ANO3: variants seen among roughly 807,000 people sequenced by gnomAD.
ANO3 encodes the protein anoctamin 3.
ANO3 carries 99 observed loss-of-function variants against 144.8 expected under a neutral mutation model. That is an observed-to-expected ratio of 0.68 (90% CI 0.58 to 0.81). The LOEUF is 0.81. ANO3 is among the 30% of genes least tolerant of loss of function. ANO3 has a pLI of 0.00. For missense variants in ANO3, 905 were observed against 1,202.2 expected (o/e 0.75, Z 3.66); for synonymous variants, 414 against 392.6 (o/e 1.05, Z -0.64).
intron 1 of ANO3, among the ~76,000 whole-genome samples, chr11:26,224,249 GCACAGGGC>G (rs1852210344): frequency 6.6e-6 from 1 of 152,188 alleles, no homozygotes; most frequent in South Asian, 2.1e-4. Context: ...GTGACTGGAT[GCACAGGGC>G]CAACAGGCCC....
chr11:26,358,103 ATT>A (rs1855829761), intron 1 of ANO3, among the ~76,000 whole-genome samples: 1 of 151,150 alleles, frequency 6.6e-6, no homozygotes, highest in African/African-American at 2.4e-5. Flanking sequence ...AATACTTCAA[ATT>A]TGTTATTTTA....
At chr11:26,254,938 G>C (rs1172070343) in intron 1 of ANO3, among the ~76,000 whole-genome samples, 1 of 152,068 alleles carries the variant, frequency 6.6e-6, no homozygotes, top group African/African-American at 2.4e-5. Flanking sequence ...TTTTATAGAT[G>C]AAAAAACAAC....
chr11:26,617,772 AT>A (rs1852302729), intron 17 of ANO3, among the ~76,000 whole-genome samples: 1 of 152,190 alleles, frequency 6.6e-6, no homozygotes, highest in Non-Finnish European at 1.5e-5. Context: ...ATGTAAGAAG[AT>A]GGTTATATTC....
chr11:26,519,609 G>T (rs972949235), intron 6 of ANO3, among the ~76,000 whole-genome samples: 1 of 152,090 alleles, frequency 6.6e-6, no homozygotes, highest in Non-Finnish European at 1.5e-5. Flanking sequence ...CTTTTGGGTT[G>T]TATCCTCACA....
chr11:26,643,627 T>C (rs1002420853), intron 23 of ANO3, among the ~76,000 whole-genome samples: 2 of 151,846 alleles, frequency 1.3e-5, no homozygotes, highest in African/African-American at 4.8e-5. Context: ...TGGTGGTGGG[T>C]GCCTGTAATC....
At chr11:26,280,255 T>C (rs1421312080) in intron 1 of ANO3, among the ~76,000 whole-genome samples, 1 of 152,172 alleles carries the variant, frequency 6.6e-6, no homozygotes, top group African/African-American at 2.4e-5. Flanking sequence ...CTTTTTATTA[T>C]CACATCTACC....
chr11:26,255,577 G>C (rs1264925901), intron 1 of ANO3, among the ~76,000 whole-genome samples: 1 of 152,048 alleles, frequency 6.6e-6, no homozygotes, highest in South Asian at 2.1e-4. Flanking sequence ...CTAGATAAGA[G>C]CCCAAGAAAA....
intron 5 of ANO3, 151 bp from the exon 6 acceptor site, chr11:26,516,676 A>ATT (rs140868622): frequency 2.3e-5 from 11 of 481,220 alleles, no homozygotes; most frequent in South Asian, 4.0e-5. Flanking sequence ...CTTCATTAAG[A>ATT]TTTTTTTTAT....
chr11:26,342,798 C>A (rs1855398230), intron 1 of ANO3, among the ~76,000 whole-genome samples: 1 of 152,138 alleles, frequency 6.6e-6, no homozygotes, highest in Non-Finnish European at 1.5e-5. Flanking sequence ...TGGTTGGTTT[C>A]ACCATTTCAC....
intron 1 of ANO3, among the ~76,000 whole-genome samples, chr11:26,338,110 A>C (rs1855239813): frequency 5.3e-5 from 1 of 19,016 alleles, no homozygotes; most frequent in African/African-American, 1.8e-4. Flanking sequence ...GTTGTGAATG[A>C]TAATTAAAAA....
intron 18 of ANO3, among the ~76,000 whole-genome samples, chr11:26,625,326 C>T (rs1425919176): frequency 6.6e-6 from 1 of 152,126 alleles, no homozygotes; most frequent in Non-Finnish European, 1.5e-5. Flanking sequence ...ATAGCTATTG[C>T]CTTCCCATTA....
chr11:26,466,662 A>C (rs536173822), intron 4 of ANO3, among the ~76,000 whole-genome samples: 1 of 152,054 alleles, frequency 6.6e-6, no homozygotes, highest in East Asian at 1.9e-4. Flanking sequence ...TCCAACAGCA[A>C]AGGCCAGGAA....
chr11:26,345,489 T>C (rs1855476476), intron 1 of ANO3, among the ~76,000 whole-genome samples: 1 of 152,140 alleles, frequency 6.6e-6, no homozygotes, highest in Non-Finnish European at 1.5e-5. Flanking sequence ...GAGGCAGCAG[T>C]TGCAGTGAGC....
chr11:26,240,221 GTTA>G (rs1366864172), intron 1 of ANO3, among the ~76,000 whole-genome samples: 6 of 152,026 alleles, frequency 3.9e-5, no homozygotes, highest in African/African-American at 1.4e-4. Flanking sequence ...GACAATAAAG[GTTA>G]TTATTATTAT....
At chr11:26,456,722 T>A (rs2134047744) in intron 3 of ANO3, among the ~76,000 whole-genome samples, 1 of 120,576 alleles carries the variant, frequency 8.3e-6, no homozygotes, top group Admixed American at 8.5e-5. Flanking sequence ...ATCCCATTAC[T>A]GGGTATATAC....
intron 1 of ANO3, chr11:26,208,142 G>A (rs1277984277): frequency 6.6e-6 from 1 of 152,084 alleles, no homozygotes; most frequent in Non-Finnish European, 1.5e-5. Flanking sequence ...TGAGATCTCT[G>A]CCCCCATGAC....
intron 1 of ANO3, among the ~76,000 whole-genome samples, chr11:26,332,853 C>T (rs775321921): frequency 1.3e-5 from 2 of 152,254 alleles, no homozygotes; most frequent in South Asian, 2.1e-4. Flanking sequence ...ATGTCCCATG[C>T]TTGATTCTGG....
At chr11:26,433,943 C>T (rs764091311) in intron 1 of ANO3, among the ~76,000 whole-genome samples, 62 of 152,082 alleles carry the variant, frequency 4.1e-4, no homozygotes, top group Non-Finnish European at 7.5e-4. Flanking sequence ...CCTTCCTCCT[C>T]AATTTTTTGA....
At chr11:26,189,453 AT>A in intron 1 of ANO3, 1 of 481,718 alleles carries the variant, frequency 2.1e-6, no homozygotes, top group African/African-American at 2.1e-5. Flanking sequence ...GCTGATGCCA[AT>A]TTTAGTTTCT....
Sources: gnomAD v4.1 joint callset for allele counts (sites outside exome capture counted in the v4.1 genomes callset) on GRCh38, gnomAD v4.1.1 for gene constraint, MANE v1.5 for transcripts, NCBI Gene and HGNC (gene_info 2026-07-23, HGNC 2026-07-21) for gene names.